Variants in NKAIN3 observed in about 807,000 individuals in gnomAD.
NKAIN3 encodes sodium/potassium transporting ATPase interacting 3, also known as sodium/potassium-transporting ATPase subunit beta-1-interacting protein 3.
A neutral mutation model predicts 30.2 loss-of-function variants in NKAIN3; 25 were observed. That is an observed-to-expected ratio of 0.83 (90% confidence interval 0.60 to 1.16). The LOEUF (loss-of-function observed/expected upper bound fraction) is 1.16. NKAIN3 is among the 50% of genes most tolerant of loss of function. The probability of loss-of-function intolerance (pLI) is 0.00; values close to 1 mark genes in which losing one functional copy is unlikely to be tolerated. For synonymous variants in NKAIN3, 91 were observed against 89.6 expected (o/e 1.02, Z -0.09); for missense variants, 225 against 254.1 (o/e 0.89, Z 0.78).
chr8:62,468,518 A>G (rs890886578), intron 1 of NKAIN3, among the ~76,000 whole-genome samples: 1 of 152,202 alleles, frequency 6.6e-6, no homozygotes, highest in Non-Finnish European at 1.5e-5. Flanking sequence ...GAATTTGGAA[A>G]TGGCAGCACA....
At chr8:62,271,701 TA>T (rs1812783711) in intron 1 of NKAIN3, among the ~76,000 whole-genome samples, 1 of 152,200 alleles carries the variant, frequency 6.6e-6, no homozygotes, top group Non-Finnish European at 1.5e-5. Context: ...TTCCCCGTTT[TA>T]AAAAAATTAT....
At chr8:62,410,669 A>G (rs566862109) in intron 1 of NKAIN3, among the ~76,000 whole-genome samples, 2 of 152,330 alleles carry the variant, frequency 1.3e-5, no homozygotes, top group South Asian at 2.1e-4. Flanking sequence ...ATCAGAAATG[A>G]TAAGAATGAC....
At chr8:62,355,159 A>G (rs149778732) in intron 1 of NKAIN3, among the ~76,000 whole-genome samples, 143 of 152,316 alleles carry the variant, frequency 9.4e-4, no homozygotes, top group African/African-American at 3.2e-3. Flanking sequence ...TCACTTGTAG[A>G]AGACCACACA....
At chr8:62,376,150 C>G (rs867111860) in intron 1 of NKAIN3, among the ~76,000 whole-genome samples, 4 of 152,180 alleles carry the variant, frequency 2.6e-5, no homozygotes, top group Non-Finnish European at 5.9e-5. Context: ...ACAGAGAGTT[C>G]CCCCAGACAC....
chr8:62,583,082 G>A (rs1006944012), intron 2 of NKAIN3, among the ~76,000 whole-genome samples: 3 of 152,168 alleles, frequency 2.0e-5, no homozygotes, highest in African/African-American at 7.2e-5. Context: ...AGTGTCTTGA[G>A]TATGTTTTAT....
At chr8:62,962,480 A>G (rs1445289923) in intron 6 of NKAIN3, among the ~76,000 whole-genome samples, 1 of 152,216 alleles carries the variant, frequency 6.6e-6, no homozygotes, top group Non-Finnish European at 1.5e-5. Flanking sequence ...GAATAGGTAA[A>G]AAGAAGAAAA....
chr8:62,612,733 G>T (rs754417519), intron 3 of NKAIN3, among the ~76,000 whole-genome samples: 8 of 151,836 alleles, frequency 5.3e-5, no homozygotes, highest in African/African-American at 9.6e-5. Flanking sequence ...TTTCTCTGGT[G>T]ACATGATTTA....
chr8:62,347,175 A>G (rs919945237), intron 1 of NKAIN3, among the ~76,000 whole-genome samples: 2 of 152,156 alleles, frequency 1.3e-5, no homozygotes, highest in Non-Finnish European at 2.9e-5. Context: ...CTAAAAGCAG[A>G]GAGTCCTTGG....
intron 1 of NKAIN3, among the ~76,000 whole-genome samples, chr8:62,434,215 T>G (rs1439277293): frequency 1.3e-5 from 2 of 152,154 alleles, no homozygotes; most frequent in East Asian, 3.9e-4. Flanking sequence ...TCCATGAAGT[T>G]GTCCTTCGGG....
chr8:62,391,820 CGTGTGTGGGTGT>C (rs1050405943), intron 1 of NKAIN3, among the ~76,000 whole-genome samples: 31 of 151,376 alleles, frequency 2.0e-4, no homozygotes, highest in African/African-American at 7.0e-4. Context: ...TGTGTGTATG[CGTGTGTGGGTGT>C]GTGTGAAAAA....
At chr8:62,948,261 G>A (rs974296276) in intron 5 of NKAIN3, among the ~76,000 whole-genome samples, 15 of 151,920 alleles carry the variant, frequency 9.9e-5, no homozygotes, top group African/African-American at 3.6e-4. Flanking sequence ...GTGCAGTGGG[G>A]TGATCTCGGA....
intron 1 of NKAIN3, among the ~76,000 whole-genome samples, chr8:62,296,721 G>A (rs1321774328): frequency 6.6e-6 from 1 of 152,098 alleles, no homozygotes; most frequent in Non-Finnish European, 1.5e-5. Flanking sequence ...TGCTTCTTTG[G>A]TGTCCATCTA....
chr8:62,836,342 TAA>T (rs908922341), intron 4 of NKAIN3, among the ~76,000 whole-genome samples: 5 of 151,982 alleles, frequency 3.3e-5, no homozygotes, highest in African/African-American at 1.2e-4. Flanking sequence ...AAATTATTTT[TAA>T]AAAAATTTCC....
intron 2 of NKAIN3, among the ~76,000 whole-genome samples, chr8:62,587,017 CT>C (rs1389230601): frequency 6.6e-6 from 1 of 151,760 alleles, no homozygotes; most frequent in African/African-American, 2.4e-5. Context: ...AATGGAGAGT[CT>C]TATTTTTTAA....
At chr8:62,704,567 A>C (rs1341524081) in intron 3 of NKAIN3, among the ~76,000 whole-genome samples, 2 of 152,150 alleles carry the variant, frequency 1.3e-5, no homozygotes, top group East Asian at 3.9e-4. Flanking sequence ...ATTGCTCAAA[A>C]GCTCTTAATA....
intron 4 of NKAIN3, among the ~76,000 whole-genome samples, chr8:62,801,639 C>G (rs1289370454): frequency 6.6e-6 from 1 of 151,998 alleles, no homozygotes; most frequent in Non-Finnish European, 1.5e-5. Context: ...CATCAAAGAC[C>G]AAAAGTAGAT....
chr8:62,992,334 T>G (rs917958472), intron 5 of NKAIN3, among the ~76,000 whole-genome samples: 1 of 152,070 alleles, frequency 6.6e-6, no homozygotes, highest in African/African-American at 2.4e-5. Context: ...TTCTTTACTT[T>G]TCCTTCCTGT....
chr8:62,683,996 A>G (rs1813722735), intron 3 of NKAIN3, among the ~76,000 whole-genome samples: 1 of 152,120 alleles, frequency 6.6e-6, no homozygotes, highest in Admixed American at 6.6e-5. Flanking sequence ...TCCATGTGAG[A>G]TTTAGCCACA....
intron 4 of NKAIN3, among the ~76,000 whole-genome samples, chr8:62,908,457 G>T (rs1821843919): frequency 6.6e-6 from 1 of 152,080 alleles, no homozygotes; most frequent in African/African-American, 2.4e-5. Context: ...GCCAGGAGTG[G>T]AATGTTATGG....
Sources: gnomAD v4.1 joint callset for allele counts (sites outside exome capture counted in the v4.1 genomes callset) on GRCh38, gnomAD v4.1.1 for gene constraint, MANE v1.5 for transcripts, NCBI Gene and HGNC (gene_info 2026-07-23, HGNC 2026-07-21) for gene names.